Variants in DRC11 observed in about 807,000 individuals in gnomAD.
DRC11 encodes IQ and AAA domain-containing protein 1.
chr2:236,497,804 C>T, the DRC11 span, among the ~76,000 whole-genome samples: 1 of 152,122 alleles, frequency 6.6e-6, no homozygotes, highest in Non-Finnish European at 1.5e-5. The surrounding 1 kb of genome is among the most constrained non-coding windows in gnomAD (Gnocchi z 5.1). Context: ...AGTTGATATC[C>T]AGAATAGTTA....
chr2:236,394,330 G>C, the DRC11 span, among the ~76,000 whole-genome samples: 1 of 152,278 alleles, frequency 6.6e-6, no homozygotes, highest in Admixed American at 6.5e-5. The surrounding 1 kb of genome is among the most constrained non-coding windows in gnomAD (Gnocchi z 7.0). Flanking sequence ...TGCAGCTCCA[G>C]TTTTCAAAAA....
At chr2:236,404,760 T>C in the DRC11 span, among the ~76,000 whole-genome samples, 1 of 152,226 alleles carries the variant, frequency 6.6e-6, no homozygotes, top group Non-Finnish European at 1.5e-5. Flanking sequence ...TTTTAGGTGT[T>C]TATTCGTAAT....
the DRC11 span, among the ~76,000 whole-genome samples, chr2:236,418,540 G>A: frequency 6.6e-6 from 1 of 152,146 alleles, no homozygotes; most frequent in Non-Finnish European, 1.5e-5. Context: ...GAAAGCATAT[G>A]GGCCCTAAGA....
chr2:236,355,882 G>A, the DRC11 span, among the ~76,000 whole-genome samples: 2 of 152,140 alleles, frequency 1.3e-5, no homozygotes, highest in Admixed American at 6.5e-5. Flanking sequence ...AATTGGCCAG[G>A]CACCTCTGCT....
the DRC11 span, chr2:236,399,592 T>A: frequency 2.2e-6 from 2 of 902,278 alleles, no homozygotes; most frequent in Non-Finnish European, 3.6e-6. This position sits in a 1 kb window ranked among gnomAD's most constrained non-coding sequence, Gnocchi z 7.0. Flanking sequence ...GCAGGCCCAG[T>A]CCTGGTCCCC....
chr2:236,380,097 G>A, the DRC11 span, among the ~76,000 whole-genome samples: 1 of 152,190 alleles, frequency 6.6e-6, no homozygotes, highest in Non-Finnish European at 1.5e-5. This position sits in a 1 kb window ranked among gnomAD's most constrained non-coding sequence, Gnocchi z 4.9. Flanking sequence ...ATGAACACTT[G>A]AATTCATTCG....
At chr2:236,326,725 C>T in the DRC11 span, among the ~76,000 whole-genome samples, 1 of 151,224 alleles carries the variant, frequency 6.6e-6, no homozygotes, top group African/African-American at 2.4e-5. Context: ...TTAATTTAAA[C>T]ATTTTGTCAG....
At chr2:236,352,182 G>T in the DRC11 span, among the ~76,000 whole-genome samples, 3 of 152,060 alleles carry the variant, frequency 2.0e-5, no homozygotes, top group Non-Finnish European at 2.9e-5. The surrounding 1 kb of genome is among the most constrained non-coding windows in gnomAD (Gnocchi z 7.0). Context: ...TCGAAGCCAG[G>T]GGGCCAATGA....
the DRC11 span, among the ~76,000 whole-genome samples, chr2:236,402,379 ATTTCAGCTTTGCATT>A: frequency 6.6e-6 from 1 of 152,190 alleles, no homozygotes; most frequent in African/African-American, 2.4e-5. The surrounding 1 kb of genome is among the most constrained non-coding windows in gnomAD (Gnocchi z 6.0). Context: ...TCAGCTTTGC[ATTTCAGCTTTGCATT>A]TTTCAGCTTT....
At chr2:236,486,907 A>G in the DRC11 span, 2 of 1,596,400 alleles carry the variant, frequency 1.3e-6, no homozygotes, top group Non-Finnish European at 1.7e-6. The surrounding 1 kb of genome is among the most constrained non-coding windows in gnomAD (Gnocchi z 5.7). Context: ...AAACCTAAAA[A>G]CAAATAAATG....
chr2:236,440,888 G>A, the DRC11 span, among the ~76,000 whole-genome samples: 10 of 152,094 alleles, frequency 6.6e-5, no homozygotes, highest in South Asian at 2.1e-4. Context: ...AAATATGAAA[G>A]TGTGTACAAT....
chr2:236,374,322 A>C, the DRC11 span, among the ~76,000 whole-genome samples: 1 of 152,194 alleles, frequency 6.6e-6, no homozygotes, highest in African/African-American at 2.4e-5. Context: ...AAAAATGAAA[A>C]TATGGACAGG....
At chr2:236,324,261 C>G in the DRC11 span, 1 of 175,286 alleles carries the variant, frequency 5.7e-6, no homozygotes, top group Non-Finnish European at 1.2e-5. This position sits in a 1 kb window ranked among gnomAD's most constrained non-coding sequence, Gnocchi z 5.7. Flanking sequence ...TAATAAAAAG[C>G]TAGTGTACTG....
At chr2:236,467,904 A>G in the DRC11 span, among the ~76,000 whole-genome samples, 2 of 152,202 alleles carry the variant, frequency 1.3e-5, no homozygotes, top group African/African-American at 4.8e-5. Context: ...CACACTCTCT[A>G]AGAAATACCT....
the DRC11 span, among the ~76,000 whole-genome samples, chr2:236,383,897 G>A: frequency 6.7e-5 from 10 of 148,154 alleles, no homozygotes; most frequent in African/African-American, 2.5e-4. Context: ...TCCCACCTAT[G>A]AGTGAGAATA....
chr2:236,376,174 G>C, the DRC11 span, among the ~76,000 whole-genome samples: 1 of 152,188 alleles, frequency 6.6e-6, no homozygotes, highest in Non-Finnish European at 1.5e-5. This position sits in a 1 kb window ranked among gnomAD's most constrained non-coding sequence, Gnocchi z 5.7. Flanking sequence ...TGTTTAACCT[G>C]AATCGAATAA....
chr2:236,503,005 T>A, the DRC11 span, among the ~76,000 whole-genome samples: 2 of 152,072 alleles, frequency 1.3e-5, no homozygotes, highest in African/African-American at 4.8e-5. The surrounding 1 kb of genome is among the most constrained non-coding windows in gnomAD (Gnocchi z 4.9). Flanking sequence ...AAGACATACA[T>A]ACAGATTTAA....
the DRC11 span, among the ~76,000 whole-genome samples, chr2:236,445,446 C>T: frequency 1.3e-4 from 20 of 152,104 alleles, no homozygotes; most frequent in African/African-American, 4.8e-4. The surrounding 1 kb of genome is among the most constrained non-coding windows in gnomAD (Gnocchi z 4.8). Flanking sequence ...GATTCTCATG[C>T]CTCAGCCTCC....
chr2:236,405,956 C>T, the DRC11 span, among the ~76,000 whole-genome samples: 1 of 152,104 alleles, frequency 6.6e-6, no homozygotes, highest in African/African-American at 2.4e-5. The surrounding 1 kb of genome is among the most constrained non-coding windows in gnomAD (Gnocchi z 4.6). Flanking sequence ...CACACTTGAC[C>T]GTGGGTAACT....
Sources: gnomAD v4.1 joint callset for allele counts (sites outside exome capture counted in the v4.1 genomes callset) on GRCh38, gnomAD v4.1.1 for gene constraint, Gnocchi (gnomAD v3.1) non-coding constraint, MANE v1.5 for transcripts, NCBI Gene and HGNC (gene_info 2026-07-23, HGNC 2026-07-21) for gene names.